The following SKOR2 variants were observed in gnomAD, a reference collection of about 807,000 sequenced individuals.
SKOR2 encodes LBX1 corepressor 1-like protein.
SKOR2 carries 47 observed loss-of-function variants against 69.1 expected under a neutral mutation model. That is an observed-to-expected ratio of 0.68 (90% CI 0.54 to 0.87). SKOR2 has a LOEUF of 0.87. Among genes scored for constraint, SKOR2 ranks in the 40% least tolerant of loss-of-function variants. The pLI is 0.00. For synonymous variants in SKOR2, 717 were observed against 672.6 expected (o/e 1.07, Z -1.02); for missense variants, 1,404 against 1,472.2 (o/e 0.95, Z 0.76).
At chr18:47,239,756 A>G (rs2064240854) in intron 4 of SKOR2, among the ~76,000 whole-genome samples, 1 of 152,216 alleles carries the variant, frequency 6.6e-6, no homozygotes, top group African/African-American at 2.4e-5. Flanking sequence ...TGAAATAAGG[A>G]AACTATTTAA....
Position 47,249,052 on chromosome 18 carries a change from C to T in SKOR2, c.132G>A (p.Val44=), listed in dbSNP as rs547709375. The T allele has an allele frequency of 1.6e-5, 24 of 1,537,370 alleles. No individual in the cohort carries two copies. In the East Asian group the frequency reaches 5.1e-4, roughly 33 times the overall value. ...ACACGATGGGAATGCCGTAGAGGAT[C>T]ACCTGGCCCACCTGGTTGGGTTTGA... ...ANLKPNQVGQ[V]ILYGIPIVSL... The change falls in exon 2 of 9, where the codon GTG becomes GTA. Residue 44 remains valine (V), a synonymous_variant. Coordinates refer to ENST00000425639, the MANE Select transcript of SKOR2 (RefSeq NM_001278063.4).
rs1436537505 is a variant in SKOR2, at chr18:47,247,285, C to T, written c.1899G>A (p.Ala633=). Residue 633 remains alanine (A), a synonymous_variant, in exon 2 of 9, where the codon GCG becomes GCA. Coordinates refer to ENST00000425639, the MANE Select transcript of SKOR2 (RefSeq NM_001278063.4). This position sits in a 1 kb window ranked among gnomAD's most constrained non-coding sequence, Gnocchi z 6.6. ...AFRPVGGKDD[A]ESLAKLHGAS... ...CCCCGTGCAGCTTGGCCAGGCTCTCCGCGTCGTCCTTGCCGCCCACTGGCC... is the reference window on the plus strand; with the variant it reads ...CCCCGTGCAGCTTGGCCAGGCTCTCTGCGTCGTCCTTGCCGCCCACTGGCC... 4 of 1,482,338 alleles carry T rather than the reference C, an allele frequency of 2.7e-6. No homozygotes were observed. Among genetic ancestry groups the T allele is most frequent in the Admixed American group, 4.5e-5 (2 of 44,480 alleles). 91.8% of individuals were successfully genotyped at this position (1,482,338 alleles called of 1,614,324 possible).
intron 4 of SKOR2, among the ~76,000 whole-genome samples, chr18:47,238,884 T>C (rs2064236914): frequency 6.6e-6 from 1 of 152,210 alleles, no homozygotes; most frequent in Non-Finnish European, 1.5e-5. Flanking sequence ...CCTTTTATGC[T>C]GGGCTGAGGC....
chr18:47,236,158 T>C (rs1294731969), intron 4 of SKOR2, among the ~76,000 whole-genome samples: 3 of 152,144 alleles, frequency 2.0e-5, no homozygotes, highest in Non-Finnish European at 4.4e-5. Flanking sequence ...CTAGTTTTTT[T>C]CTGTATTTTT....
rs930376617 is a variant in SKOR2, at chr18:47,247,909, CTCTT to C, written c.1271_1274del (p.Lys424ArgfsTer71). The stretch of plus-strand genomic sequence containing the variant: ...GGGCCTCAGCGGCGGCACCCGCATC[CTCTT>C]TCTTATGGCACAAGCTGAAGGCGGC... On this transcript the variant is annotated frameshift_variant, in exon 2 of 9. Transcript: ENST00000425639. LOFTEE classifies it high-confidence loss of function. This position sits in a 1 kb window ranked among gnomAD's most constrained non-coding sequence, Gnocchi z 6.6. The C allele has an allele frequency of 7.3e-7, 1 of 1,368,560 alleles. No individual in the cohort carries two copies. The highest frequency in any genetic ancestry group is 9.4e-7 in the Non-Finnish European group (1 of 1,068,320). 84.8% of individuals were successfully genotyped at this position (1,368,560 alleles called of 1,614,324 possible). A position where few individuals can be genotyped will look rare whatever the true frequency, so the allele number is the denominator to read the frequency against.
chr18:47,231,617 G>C (rs1270699542), intron 4 of SKOR2, among the ~76,000 whole-genome samples: 1 of 152,264 alleles, frequency 6.6e-6, no homozygotes, highest in East Asian at 1.9e-4. Flanking sequence ...GCCGAGGCGG[G>C]CAGATCACTT....
At chr18:47,218,250 C>T (rs1243580387) in intron 7 of SKOR2, among the ~76,000 whole-genome samples, 1 of 152,070 alleles carries the variant, frequency 6.6e-6, no homozygotes, top group African/African-American at 2.4e-5. Context: ...CCTGAAATCA[C>T]AATTTTTTTG....
chr18:47,211,336 A>C (rs2064127276), intron 8 of SKOR2, among the ~76,000 whole-genome samples: 1 of 152,184 alleles, frequency 6.6e-6, no homozygotes, highest in Non-Finnish European at 1.5e-5. Flanking sequence ...TAGCAATCCT[A>C]GTTGTTAGGT....
intron 3 of SKOR2, 147 bp from the exon 4 acceptor site, chr18:47,245,129 G>C (rs2064265873): frequency 3.1e-6 from 2 of 652,182 alleles, no homozygotes; most frequent in South Asian, 4.3e-5. Flanking sequence ...ACAATCAGAA[G>C]GCTCTAGGTA....
intron 6 of SKOR2, among the ~76,000 whole-genome samples, chr18:47,224,742 G>A (rs1015958103): frequency 6.6e-6 from 1 of 151,848 alleles, no homozygotes; most frequent in African/African-American, 2.4e-5. Context: ...TGCCTCCTTA[G>A]TAGCTGGGAC....
rs2064297795 is a variant in SKOR2 at position 47,248,763 on chromosome 18, C to G, written c.421G>C (p.Asp141His). ...LGENRPPKLP[D>H]NFAFDVSHEC... is the part of the protein sequence containing the mutation. ...TGTGACACGTCGAAGGCGAAATTGT[C>G]TGGCAGCTTGGGCGGCCTGTTTTCG... Residue 141 changes from aspartate (D) to histidine (H), a missense_variant, in exon 2 of 9, where the codon GAC (aspartate) becomes CAC (histidine). Coordinates refer to ENST00000425639, the MANE Select transcript of SKOR2 (RefSeq NM_001278063.4). This position sits in a 1 kb window ranked among gnomAD's most constrained non-coding sequence, Gnocchi z 6.4. 6.4e-7 allele frequency: 1 copy of G among 1,550,642 alleles called. No individual in the cohort carries two copies. Among genetic ancestry groups the G allele is most frequent in the Non-Finnish European group, 8.7e-7 (1 of 1,154,692 alleles).
intron 2 of SKOR2, 95 bp downstream of exon 2, chr18:47,246,476 T>C (rs1430161449): frequency 3.0e-6 from 4 of 1,335,078 alleles, no homozygotes; most frequent in Non-Finnish European, 2.9e-6. Flanking sequence ...GGAAATCTGG[T>C]GATTCATCTT....
At chr18:47,240,454 C>T (rs1026133463) in intron 4 of SKOR2, among the ~76,000 whole-genome samples, 50 of 152,178 alleles carry the variant, frequency 3.3e-4, no homozygotes, top group African/African-American at 1.2e-3. Context: ...ATCTATCTGA[C>T]TTGGGTCTAA....
Position 47,248,488 on chromosome 18 carries a change from C to T in SKOR2, c.696G>A (p.Lys232=), listed in dbSNP as rs959419749. The T allele has an allele frequency of 1.6e-5, 25 of 1,536,392 alleles. No individual in the cohort carries two copies. The highest frequency in any genetic ancestry group is 4.1e-5 in the African/African-American group (3 of 73,034). The change falls in exon 2 of 9, where the codon AAG becomes AAA. Residue 232 remains lysine, a synonymous_variant. Transcript: ENST00000425639. The surrounding 1 kb of genome is among the most constrained non-coding windows in gnomAD (Gnocchi z 6.4). Reference sequence around the variant, plus strand: ...TGCGGCTGCCGCCGTTGAACATGGCCTTGACGTCCTCCCAGGCGAAGACCA... The same window carrying T: ...TGCGGCTGCCGCCGTTGAACATGGCTTTGACGTCCTCCCAGGCGAAGACCA... The part of the protein sequence containing the change: ...DELVFAWEDV[K]AMFNGGSRKR...
In SKOR2 at chr18:47,242,030, C is replaced by T. The variant is rs534587189; in HGVS notation, c.2752+2878G>A. On this transcript the variant is annotated intron_variant, in intron 4 of 8. Coordinates refer to ENST00000425639, the MANE Select transcript of SKOR2 (RefSeq NM_001278063.4). ...TATATGAACACCGATCCTGACTGTA[C>T]TTTTACTTACTTCCTTTTAGCATTT... Among the ~76,000 whole-genome samples the T allele has an allele frequency of 2.2e-4, 34 of 152,286 alleles. No homozygotes were observed. The South Asian group carries it at 6.6e-3, about 30-fold the overall frequency.
intron 7 of SKOR2, among the ~76,000 whole-genome samples, chr18:47,216,340 G>A (rs1306150437): frequency 1.3e-5 from 2 of 152,114 alleles, no homozygotes. Flanking sequence ...GGCAGGGGTG[G>A]GGGACTTTAA....
intron 3 of SKOR2, 110 bp from the exon 4 acceptor site, chr18:47,245,092 T>C: frequency 2.4e-6 from 2 of 831,604 alleles, no homozygotes; most frequent in Middle Eastern, 2.3e-4. Flanking sequence ...TATATCTAAG[T>C]TTGAGAGCTA....
intron 4 of SKOR2, among the ~76,000 whole-genome samples, chr18:47,243,171 C>G (rs770136924): frequency 6.6e-6 from 1 of 152,144 alleles, no homozygotes; most frequent in African/African-American, 2.4e-5. Context: ...GCTCATTGGT[C>G]GTACAAGACA....
chr18:47,214,585 C>T (rs760998719), intron 7 of SKOR2, among the ~76,000 whole-genome samples: 3 of 152,126 alleles, frequency 2.0e-5, no homozygotes, highest in Non-Finnish European at 4.4e-5. Context: ...GCCAGTTGTT[C>T]CTGGAAACAA....
Sources: allele counts gnomAD v4.1 joint callset (sites outside exome capture counted in the v4.1 genomes callset), GRCh38; gene constraint gnomAD v4.1.1; non-coding constraint Gnocchi (gnomAD v3.1); transcripts MANE v1.5; gene names NCBI Gene and HGNC (gene_info 2026-07-23, HGNC 2026-07-21).